Variants in ZFYVE28 observed in about 807,000 individuals in gnomAD.
ZFYVE28 encodes the protein lateral signaling target protein 2 homolog.
Under a neutral mutation model 82.1 loss-of-function variants are expected in ZFYVE28, and 40 were observed. That is an observed-to-expected ratio of 0.49 (90% CI 0.38 to 0.63). ZFYVE28 has a LOEUF of 0.63. Among genes scored for constraint, ZFYVE28 ranks in the 30% least tolerant of loss-of-function variants. ZFYVE28 has a pLI of 0.00. For missense variants in ZFYVE28, 1,321 were observed against 1,242.1 expected (o/e 1.06, Z -0.96); for synonymous variants, 612 against 546.1 (o/e 1.12, Z -1.68).
At chr4:2,340,230 G>A (rs1722572123) in intron 3 of ZFYVE28, among the ~76,000 whole-genome samples, 2 of 152,158 alleles carry the variant, frequency 1.3e-5, no homozygotes, top group African/African-American at 4.8e-5. Flanking sequence ...ACTCATCAGT[G>A]TGAGAGTCCC....
chr4:2,394,412 G>C lies in ZFYVE28; in HGVS notation c.39+23873C>G, dbSNP rs985087387. 6.6e-6 allele frequency among the ~76,000 whole-genome samples: 1 copy of C among 152,168 alleles called. No homozygotes were observed. Among genetic ancestry groups the C allele is most frequent in the Non-Finnish European group, 1.5e-5 (1 of 68,024 alleles). On this transcript the variant is annotated intron_variant, in intron 1 of 12. Transcript: ENST00000290974. This position sits in a 1 kb window ranked among gnomAD's most constrained non-coding sequence, Gnocchi z 4.0. ...CACGGCCACACCTGCTCCAATGCCT[G>C]GACCTGGAGGGCTCCTTCACGTTGC...
chr4:2,340,274 C>T (rs1474638738), intron 3 of ZFYVE28, among the ~76,000 whole-genome samples: 2 of 152,196 alleles, frequency 1.3e-5, no homozygotes, highest in Non-Finnish European at 2.9e-5. Context: ...GGCTCCTCCG[C>T]ACCCACAAAT....
At position 2,411,179 on chromosome 4, in the gene ZFYVE28, G is replaced by C. The variant is rs367695550; in HGVS notation, c.39+7106C>G. Among the ~76,000 whole-genome samples the C allele has an allele frequency of 1.2e-4, 18 of 152,294 alleles. 1 individual carries two copies. In the East Asian group the frequency reaches 1.9e-3, roughly 16 times the overall value. On this transcript the variant is annotated intron_variant, in intron 1 of 12. Coordinates refer to ENST00000290974, the MANE Select transcript of ZFYVE28 (RefSeq NM_020972.3). ...CCCACCCGTGGCAGAGACTTAGAGA[G>C]CCAGCCATGCAGTTTGGACCCATGT...
chr4:2,352,806 C>A (rs148280314), intron 2 of ZFYVE28, among the ~76,000 whole-genome samples: 346 of 152,310 alleles, frequency 2.3e-3, no homozygotes, highest in African/African-American at 7.7e-3. Context: ...AAAAAGCACA[C>A]AGGTCACAGA....
intron 2 of ZFYVE28, among the ~76,000 whole-genome samples, chr4:2,350,416 A>G (rs1724226695): frequency 6.6e-6 from 1 of 152,056 alleles, no homozygotes; most frequent in Admixed American, 6.5e-5. Context: ...CTGAGCCGAG[A>G]TCGCGCCACT....
At chr4:2,290,896 C>G (rs1027987316) in intron 8 of ZFYVE28, among the ~76,000 whole-genome samples, 1 of 152,230 alleles carries the variant, frequency 6.6e-6, no homozygotes, top group African/African-American at 2.4e-5. Flanking sequence ...CAGGCCTAGA[C>G]ACAGCCCAGC....
At chr4:2,290,657 T>G (rs891528619) in intron 8 of ZFYVE28, among the ~76,000 whole-genome samples, 8 of 152,152 alleles carry the variant, frequency 5.3e-5, no homozygotes. Flanking sequence ...CTTCAAGAAG[T>G]CAGCTCCTCT....
chr4:2,379,777 A>C (rs1217567703), intron 1 of ZFYVE28, among the ~76,000 whole-genome samples: 1 of 152,014 alleles, frequency 6.6e-6, no homozygotes, highest in African/African-American at 2.4e-5. Flanking sequence ...ATGGGATTTA[A>C]ATTTTTAAAT....
In ZFYVE28 at chr4:2,337,402, C is replaced by G; in HGVS notation, c.611+5G>C. ...CCCCCAGCCCCTAAGCATCCCTGTG[C>G]TCACCTCTCCACCGTCTCGCAGAAG... is the stretch of plus-strand genomic sequence containing the variant. On this transcript the variant is annotated splice_donor_5th_base_variant and intron_variant, in intron 5 of 12. Transcript: ENST00000290974. 1 of 1,598,682 alleles carries G rather than the reference C, an allele frequency of 6.3e-7. No homozygotes were observed. The highest frequency in any genetic ancestry group is 8.5e-7 in the Non-Finnish European group (1 of 1,171,742).
chr4:2,399,147 G>A (rs1730893553), intron 1 of ZFYVE28, among the ~76,000 whole-genome samples: 2 of 152,068 alleles, frequency 1.3e-5, no homozygotes, highest in South Asian at 4.2e-4. Flanking sequence ...TGAGATCCAG[G>A]GCACAAGGTG....
chr4:2,291,439 C>T (rs1713682843), intron 8 of ZFYVE28, among the ~76,000 whole-genome samples: 1 of 152,202 alleles, frequency 6.6e-6, no homozygotes, highest in African/African-American at 2.4e-5. Flanking sequence ...TCTAGGCTCC[C>T]CGAGGAGGGG....
Position 2,304,344 on chromosome 4 carries a change from G to C in ZFYVE28, c.1996C>G (p.Leu666Val). The C allele has an allele frequency of 6.2e-7, 1 of 1,607,780 alleles. No homozygotes were observed. The highest frequency in any genetic ancestry group is 8.5e-7 in the Non-Finnish European group (1 of 1,179,660). The part of the protein sequence containing the change: ...AGQQEPEARE[L>V]HAGSPSAHEA... Reference sequence around the variant, plus strand: ...TGAGCCGAGGGGCTCCCAGCATGCAGCTCTCTGGCCTCTGGCTCCTGCTGA... The same window carrying C: ...TGAGCCGAGGGGCTCCCAGCATGCACCTCTCTGGCCTCTGGCTCCTGCTGA... Residue 666 changes from leucine (L) to valine (V), a missense_variant, in exon 8 of 13, where the codon CTG (leucine) becomes GTG (valine). Around this residue, in one of 2 missense-constraint regions of ZFYVE28, gnomAD observed 978 missense variants for 833.7 expected, o/e 1.17. Transcript: ENST00000290974.
intron 1 of ZFYVE28, among the ~76,000 whole-genome samples, chr4:2,399,128 G>GGTTGGGGGTGAGAT (rs1560339090): frequency 1.9e-5 from 2 of 108,020 alleles, no homozygotes; most frequent in Non-Finnish European, 3.6e-5. Context: ...GAGGGCACAA[G>GGTTGGGGGTGAGAT]CTGGGTGGTG....
At chr4:2,280,556 T>G (rs545806043) in intron 8 of ZFYVE28, among the ~76,000 whole-genome samples, 2 of 152,252 alleles carry the variant, frequency 1.3e-5, no homozygotes, top group Non-Finnish European at 2.9e-5. Context: ...AGATGTCATA[T>G]GTACATAAAT....
rs372719090 is a variant in ZFYVE28, at chr4:2,281,215, C to T, written c.2052-6999G>A. Among the ~76,000 whole-genome samples the T allele has an allele frequency of 3.5e-4, 53 of 152,120 alleles. 1 individual carries two copies. Among genetic ancestry groups the T allele is most frequent in the African/African-American group, 1.3e-3 (53 of 41,416 alleles). On this transcript the variant is annotated intron_variant, in intron 8 of 12. Transcript: ENST00000290974. ...CCAATGAGGTACTGCCCAAGGGAAC[C>T]GGCTGGGCTTGGAAGGGCCAAAGGG...
chr4:2,349,124 A>T (rs942814534), intron 2 of ZFYVE28, among the ~76,000 whole-genome samples: 3 of 152,088 alleles, frequency 2.0e-5, no homozygotes, highest in African/African-American at 7.2e-5. Context: ...GATAATTATA[A>T]CTCTCAAATA....
intron 8 of ZFYVE28, among the ~76,000 whole-genome samples, chr4:2,284,864 G>C (rs1037341234): frequency 3.3e-5 from 5 of 152,198 alleles, no homozygotes; most frequent in Admixed American, 3.3e-4. Context: ...CCCTCTTCTT[G>C]GCAGGTGCCC....
Position 2,409,519 on chromosome 4 carries a change from C to T in ZFYVE28, c.39+8766G>A, listed in dbSNP as rs1578423256. ...CCAGCCTTTCAGGCTCCGCGACCCA[C>T]ACCCCCTTGCCACTCACATCTCAGC... On this transcript the variant is annotated intron_variant, in intron 1 of 12. Coordinates refer to ENST00000290974, the MANE Select transcript of ZFYVE28 (RefSeq NM_020972.3). This position sits in a 1 kb window ranked among gnomAD's most constrained non-coding sequence, Gnocchi z 4.4. Among the ~76,000 whole-genome samples, 1 of 152,344 alleles carries T rather than the reference C, an allele frequency of 6.6e-6. No individual in the cohort carries two copies. The highest frequency in any genetic ancestry group is 2.4e-5 in the African/African-American group (1 of 41,582).
rs779795108 is a variant in ZFYVE28 at position 2,270,737 on chromosome 4, C to G, written c.2652G>C (p.Lys884Asn). 1.1e-5 allele frequency: 17 copies of G among 1,613,198 alleles called. No homozygotes were observed. In the East Asian group the frequency reaches 3.8e-4, roughly 36 times the overall value. ...CCCTGGCACCACGTCACAGGCCGGC[C>G]TTGTCGCTGTAGAAGGGCGTGACAT... ...MFHVTPFYSD[K>N]AGL Residue 884 changes from lysine (K) to asparagine (N), a missense_variant, in exon 13 of 13, where the codon AAG becomes AAC. Physicochemically the swap from Lys to Asn is moderately conservative, Grantham distance 94. Coordinates refer to ENST00000290974, the MANE Select transcript of ZFYVE28 (RefSeq NM_020972.3).
Sources: allele counts gnomAD v4.1 joint callset (sites outside exome capture counted in the v4.1 genomes callset), GRCh38; gene constraint gnomAD v4.1.1; regional missense constraint gnomAD v4.1.1; non-coding constraint Gnocchi (gnomAD v3.1); transcripts MANE v1.5; gene names NCBI Gene and HGNC (gene_info 2026-07-23, HGNC 2026-07-21).